The following CNKSR3 variants were observed in gnomAD, a reference collection of about 807,000 sequenced individuals.
CNKSR3 encodes the protein CNKSR family member 3.
In CNKSR3, 36 loss-of-function variants were observed where a neutral mutation model predicts 67.7. The ratio of observed to expected loss-of-function variants is 0.53; its 90% CI spans 0.41 to 0.70. The LOEUF is 0.70. Ranked by LOEUF, CNKSR3 falls within the 30% of genes least tolerant of loss-of-function variation. CNKSR3 has a pLI of 0.00. For synonymous variants in CNKSR3, 281 were observed against 271.4 expected (o/e 1.04, Z -0.35); for missense variants, 630 against 695.2 (o/e 0.91, Z 1.05).
intron 1 of CNKSR3, among the ~76,000 whole-genome samples, chr6:154,465,709 C>T (rs1240445337): frequency 6.6e-6 from 1 of 152,170 alleles, no homozygotes; most frequent in African/African-American, 2.4e-5. Flanking sequence ...GCTAACTTAG[C>T]TTACTGTCTG....
intron 2 of CNKSR3, among the ~76,000 whole-genome samples, chr6:154,443,542 C>T (rs893183807): frequency 2.6e-5 from 4 of 151,786 alleles, no homozygotes; most frequent in African/African-American, 7.3e-5. Flanking sequence ...TCCACTGGGA[C>T]GTGAGGGCTG....
In CNKSR3 at chr6:154,391,293, G is replaced by C. The variant is rs1386652990; in HGVS notation, c.*15061C>G. On this transcript the variant is annotated 3_prime_UTR_variant, in exon 13 of 13. Transcript: ENST00000607772. ...CTGTCACCCAGGCTGGAGTGCAGTGGCACAATCTCGGCTCACTGCAAGCTC... is the reference window on the plus strand; with the variant it reads ...CTGTCACCCAGGCTGGAGTGCAGTGCCACAATCTCGGCTCACTGCAAGCTC... 6.6e-6 allele frequency: 1 copy of C among 152,178 alleles called. No individual in the cohort carries two copies. Among genetic ancestry groups the C allele is most frequent in the Admixed American group, 6.6e-5 (1 of 15,254 alleles). The allele number at this position is 152,178 out of a possible 1,614,324, so 9.4% of individuals were successfully genotyped here.
In CNKSR3 at chr6:154,476,648, A is replaced by T. The variant is rs534836712; in HGVS notation, c.53-26390T>A. Among the ~76,000 whole-genome samples, 8 of 152,314 alleles carry T rather than the reference A, an allele frequency of 5.3e-5. No individual in the cohort carries two copies. In the South Asian group the frequency reaches 1.7e-3, roughly 32 times the overall value. On this transcript the variant is annotated intron_variant, in intron 1 of 12. Coordinates refer to ENST00000607772, the MANE Select transcript of CNKSR3 (RefSeq NM_173515.4). ...AGGACAGTAACTTAGAAAACATGGC[A>T]TTCTGGGGTCACTCGGCAAAGTAGT...
chr6:154,422,311 T>C (rs535252652), intron 9 of CNKSR3, among the ~76,000 whole-genome samples, 195 bp downstream of exon 9: 1 of 152,358 alleles, frequency 6.6e-6, no homozygotes, highest in East Asian at 1.9e-4. Context: ...AATAGTCATA[T>C]ATGGTTACTG....
chr6:154,469,882 A>C (rs990685750), intron 1 of CNKSR3, among the ~76,000 whole-genome samples: 2 of 152,186 alleles, frequency 1.3e-5, no homozygotes, highest in African/African-American at 4.8e-5. Context: ...AAGTCTATTA[A>C]CACACAGATT....
At chr6:154,454,104 CAGAGAGAG>C (rs71021054) in intron 1 of CNKSR3, among the ~76,000 whole-genome samples, 9,536 of 116,176 alleles carry the variant, frequency 0.082, 671 homozygotes, top group East Asian at 0.26. Flanking sequence ...CACACACACA[CAGAGAGAG>C]AGAGAGAGAG....
chr6:154,477,509 T>C (rs1187017336), intron 1 of CNKSR3, among the ~76,000 whole-genome samples: 3 of 151,308 alleles, frequency 2.0e-5, no homozygotes, highest in African/African-American at 4.9e-5. Flanking sequence ...TTAGTAGAGA[T>C]GGGGTTTCAC....
intron 2 of CNKSR3, 58 bp downstream of exon 2, chr6:154,450,037 A>C (rs1785791346): frequency 6.6e-7 from 1 of 1,504,764 alleles, no homozygotes; most frequent in Non-Finnish European, 9.0e-7. Flanking sequence ...TGACGGCTTA[A>C]GAGAGCAAGG....
At position 154,397,600 on chromosome 6, in the gene CNKSR3, G is replaced by C. The variant is rs901795910; in HGVS notation, c.*8754C>G. 1 of 152,262 alleles carries C rather than the reference G, an allele frequency of 6.6e-6. No homozygotes were observed. The highest frequency in any genetic ancestry group is 1.5e-5 in the Non-Finnish European group (1 of 68,056). The allele number at this position is 152,262 out of a possible 1,614,324, so 9.4% of individuals were successfully genotyped here. ...GAAATAGATGGGTAAGAGCAAATCT[G>C]TGGTCATCAACTAGGTGCACAGTCC... On this transcript the variant is annotated 3_prime_UTR_variant, in exon 13 of 13. Coordinates refer to ENST00000607772, the MANE Select transcript of CNKSR3 (RefSeq NM_173515.4).
At chr6:154,470,791 G>A (rs546541637) in intron 1 of CNKSR3, among the ~76,000 whole-genome samples, 3 of 152,208 alleles carry the variant, frequency 2.0e-5, no homozygotes, top group Non-Finnish European at 2.9e-5. Context: ...AGTTCTCTTG[G>A]GGATATACCT....
intron 1 of CNKSR3, among the ~76,000 whole-genome samples, chr6:154,478,898 C>T (rs1302710975): frequency 6.6e-6 from 1 of 152,214 alleles, no homozygotes; most frequent in Non-Finnish European, 1.5e-5. Flanking sequence ...AGGCTTGCTA[C>T]AGATATCATG....
chr6:154,502,195 CTTT>C (rs34790675), intron 1 of CNKSR3, among the ~76,000 whole-genome samples: 2 of 143,988 alleles, frequency 1.4e-5, no homozygotes, highest in Admixed American at 6.9e-5. Context: ...TATATTTCTT[CTTT>C]TTTTTTTTTT....
intron 12 of CNKSR3, among the ~76,000 whole-genome samples, chr6:154,407,881 A>AAAAC (rs767144200): frequency 9.9e-5 from 15 of 150,816 alleles, no homozygotes; most frequent in East Asian, 1.9e-4. Flanking sequence ...TGAAAAAAAA[A>AAAAC]AAAAAAAAAA....
At chr6:154,453,255 C>T (rs1217354955) in intron 1 of CNKSR3, among the ~76,000 whole-genome samples, 1 of 152,116 alleles carries the variant, frequency 6.6e-6, no homozygotes, top group Non-Finnish European at 1.5e-5. Context: ...TCTCTTTTAA[C>T]GAACCGAAAA....
At chr6:154,509,071 A>G (rs1226069679) in intron 1 of CNKSR3, among the ~76,000 whole-genome samples, 1 of 152,152 alleles carries the variant, frequency 6.6e-6, no homozygotes, top group Non-Finnish European at 1.5e-5. Context: ...AAAGAACACC[A>G]TTCCTCACCT....
At position 154,510,575 on chromosome 6, in the gene CNKSR3, G is replaced by A. The variant is rs1231986618; in HGVS notation, c.-461C>T. 2 of 183,576 alleles carry A rather than the reference G, an allele frequency of 1.1e-5. No homozygotes were observed. The highest frequency in any genetic ancestry group is 2.4e-5 in the African/African-American group (1 of 41,816). 11.4% of individuals were successfully genotyped at this position (183,576 alleles called of 1,614,324 possible). A position where few individuals can be genotyped will look rare whatever the true frequency, so the allele number is the denominator to read the frequency against. On this transcript the variant is annotated 5_prime_UTR_variant, in exon 1 of 13. Transcript: ENST00000607772. Reference sequence around the variant, plus strand: ...TGCGCTGGCGTCCCGGAGCCTTCCCGGCGCAGGTCCCACCTCCTGCGCCGC... The same window carrying A: ...TGCGCTGGCGTCCCGGAGCCTTCCCAGCGCAGGTCCCACCTCCTGCGCCGC...
chr6:154,498,585 C>T (rs991957844), intron 1 of CNKSR3, among the ~76,000 whole-genome samples: 1 of 152,178 alleles, frequency 6.6e-6, no homozygotes, highest in Non-Finnish European at 1.5e-5. Context: ...TGCCTCCTGG[C>T]CCCTATAGGC....
At chr6:154,457,340 T>C (rs2128720247) in intron 1 of CNKSR3, among the ~76,000 whole-genome samples, 1 of 152,300 alleles carries the variant, frequency 6.6e-6, no homozygotes, top group Non-Finnish European at 1.5e-5. Flanking sequence ...TTTGTTGATG[T>C]CTGTAGGCCT....
At chr6:154,430,013 T>A (rs991110352) in intron 6 of CNKSR3, among the ~76,000 whole-genome samples, 1 of 152,212 alleles carries the variant, frequency 6.6e-6, no homozygotes, top group African/African-American at 2.4e-5. Flanking sequence ...TACTAGGAGA[T>A]CACTTGTATG....
Sources: gnomAD v4.1 joint callset for allele counts (sites outside exome capture counted in the v4.1 genomes callset) on GRCh38, gnomAD v4.1.1 for gene constraint, MANE v1.5 for transcripts, NCBI Gene and HGNC (gene_info 2026-07-23, HGNC 2026-07-21) for gene names.